STX8: variants seen among roughly 807,000 people sequenced by gnomAD.
The protein encoded by STX8 is syntaxin 8.
In STX8, 23 loss-of-function variants were observed where a neutral mutation model predicts 37.5. The ratio of observed to expected loss-of-function variants is 0.61; its 90% CI spans 0.44 to 0.87. The LOEUF (loss-of-function observed/expected upper bound fraction) is 0.87. STX8 is among the 40% of genes least tolerant of loss of function. The pLI, the probability that STX8 is intolerant of heterozygous loss-of-function variation, is 0.00. For missense variants in STX8, 313 were observed against 284.7 expected (o/e 1.10, Z -0.71); for synonymous variants, 115 against 99.1 (o/e 1.16, Z -0.95).
intron 6 of STX8, among the ~76,000 whole-genome samples, chr17:9,481,925 C>A (rs1474814334): frequency 6.6e-6 from 1 of 152,146 alleles, no homozygotes; most frequent in African/African-American, 2.4e-5. Flanking sequence ...CCATCCTGGT[C>A]CATGGAAAAA....
At position 9,441,498 on chromosome 17, in the gene STX8, A is replaced by G. The variant is rs557275113; in HGVS notation, c.541+50331T>C. Among the ~76,000 whole-genome samples the G allele has an allele frequency of 3.3e-4, 50 of 151,852 alleles. 2 individuals are homozygous for G. The South Asian group carries it at 0.01, about 30-fold the overall frequency. Reference sequence around the variant, plus strand: ...GCGAGACTCCATCTAAAAAAAAAAAAAAAAGAAACTGAGTCAAATATCCTT... The same window carrying G: ...GCGAGACTCCATCTAAAAAAAAAAAGAAAAGAAACTGAGTCAAATATCCTT... On this transcript the variant is annotated intron_variant, in intron 6 of 7. Transcript: ENST00000306357.
At chr17:9,252,922 G>C in intron 7 of STX8, among the ~76,000 whole-genome samples, 1 of 105,772 alleles carries the variant, frequency 9.5e-6, no homozygotes, top group East Asian at 2.0e-4. Flanking sequence ...AAGGTAAAAG[G>C]AGGAGATGTG....
intron 3 of STX8, among the ~76,000 whole-genome samples, chr17:9,551,374 A>T (rs1326630233): frequency 6.6e-6 from 1 of 152,224 alleles, no homozygotes; most frequent in African/African-American, 2.4e-5. Flanking sequence ...ATGCATGATT[A>T]AAAACTCCAC....
At chr17:9,419,427 A>G (rs1913343489) in intron 6 of STX8, among the ~76,000 whole-genome samples, 1 of 152,232 alleles carries the variant, frequency 6.6e-6, no homozygotes, top group Non-Finnish European at 1.5e-5. Context: ...GAGGCCAATT[A>G]AAATCAATCA....
chr17:9,393,970 G>T (rs565688569), intron 6 of STX8, among the ~76,000 whole-genome samples: 3 of 152,124 alleles, frequency 2.0e-5, no homozygotes, highest in Non-Finnish European at 4.4e-5. Context: ...AGTCAATTTT[G>T]TTTTGTGTTA....
rs1905900942 is a variant in STX8 at position 9,533,482 on chromosome 17, A to G, written c.323+11690T>C. Among the ~76,000 whole-genome samples the G allele has an allele frequency of 4.6e-5, 7 of 152,154 alleles. No individual in the cohort carries two copies. In the South Asian group the frequency reaches 1.5e-3, roughly 32 times the overall value. ...TCCATCTCGAAACAAAACAAAACAA[A>G]AAAACCGCTTGCACTTCAAAAGTAC... On this transcript the variant is annotated intron_variant, in intron 4 of 7. Coordinates refer to ENST00000306357, the MANE Select transcript of STX8 (RefSeq NM_004853.3).
chr17:9,525,496 G>A (rs563301915), intron 4 of STX8, among the ~76,000 whole-genome samples: 41 of 151,844 alleles, frequency 2.7e-4, no homozygotes, highest in South Asian at 2.3e-3. Context: ...ACAGGCGCCC[G>A]CCACCACACC....
At chr17:9,281,233 T>C (rs1410243439) in intron 7 of STX8, among the ~76,000 whole-genome samples, 1 of 152,122 alleles carries the variant, frequency 6.6e-6, no homozygotes, top group Non-Finnish European at 1.5e-5. Flanking sequence ...AAGGTGAGGC[T>C]GTGGGAAGGA....
chr17:9,449,357 G>A (rs1426218744), intron 6 of STX8, among the ~76,000 whole-genome samples: 3 of 152,154 alleles, frequency 2.0e-5, no homozygotes, highest in Non-Finnish European at 4.4e-5. Context: ...TCAGGAGATC[G>A]AGACCACCCT....
intron 7 of STX8, among the ~76,000 whole-genome samples, chr17:9,341,494 T>C (rs1288822724): frequency 2.6e-5 from 4 of 152,180 alleles, no homozygotes; most frequent in Non-Finnish European, 5.9e-5. Context: ...TAGAGTGCAA[T>C]GGCGTGATCT....
At chr17:9,338,044 A>T (rs1378790991) in intron 7 of STX8, among the ~76,000 whole-genome samples, 1 of 137,142 alleles carries the variant, frequency 7.3e-6, no homozygotes, top group East Asian at 2.2e-4. Flanking sequence ...GGCACCTCTG[A>T]AGGATTTTTT....
chr17:9,508,875 A>G (rs551225903), intron 4 of STX8, among the ~76,000 whole-genome samples: 3 of 152,360 alleles, frequency 2.0e-5, no homozygotes, highest in Non-Finnish European at 4.4e-5. Context: ...AGAATCCCAA[A>G]TAGATTCCAT....
chr17:9,463,436 T>C (rs1395993065), intron 6 of STX8, among the ~76,000 whole-genome samples: 2 of 152,188 alleles, frequency 1.3e-5, no homozygotes, highest in Non-Finnish European at 2.9e-5. Context: ...AGTATTAAGT[T>C]CCTTCCTCCA....
chr17:9,264,532 T>C (rs918801501), intron 7 of STX8, among the ~76,000 whole-genome samples: 1 of 152,120 alleles, frequency 6.6e-6, no homozygotes, highest in Non-Finnish European at 1.5e-5. Context: ...CTCAAACTCC[T>C]GGGCTCAAGC....
chr17:9,256,353 G>A (rs941752422), intron 7 of STX8, among the ~76,000 whole-genome samples: 13 of 152,158 alleles, frequency 8.5e-5, no homozygotes, highest in South Asian at 4.1e-4. Flanking sequence ...TTGAAACACC[G>A]GGATCAAGAG....
chr17:9,575,645 G>A, intron 1 of STX8, 147 bp downstream of exon 1: 3 of 980,538 alleles, frequency 3.1e-6, no homozygotes, highest in Non-Finnish European at 4.5e-6. Flanking sequence ...GGATGTGGCT[G>A]AGCCCCCTCA....
At chr17:9,470,497 A>G (rs1342507260) in intron 6 of STX8, among the ~76,000 whole-genome samples, 1 of 152,224 alleles carries the variant, frequency 6.6e-6, no homozygotes, top group East Asian at 1.9e-4. Context: ...GCTCAGCTAA[A>G]GATCTTCAAT....
intron 4 of STX8, among the ~76,000 whole-genome samples, chr17:9,521,604 CATCT>C (rs950082604): frequency 5.3e-5 from 8 of 152,298 alleles, no homozygotes; most frequent in South Asian, 2.1e-4. Flanking sequence ...TCCATCCATC[CATCT>C]GACAAACACT....
At chr17:9,521,142 T>G (rs188494842) in intron 4 of STX8, among the ~76,000 whole-genome samples, 63 of 152,300 alleles carry the variant, frequency 4.1e-4, no homozygotes, top group Middle Eastern at 3.4e-3. Context: ...CAGAAATTCT[T>G]TAGAGACGAA....
Sources: allele counts gnomAD v4.1 joint callset (sites outside exome capture counted in the v4.1 genomes callset), GRCh38; gene constraint gnomAD v4.1.1; transcripts MANE v1.5; gene names NCBI Gene and HGNC (gene_info 2026-07-23, HGNC 2026-07-21).